Variants in KIRREL3 observed in about 807,000 individuals in gnomAD.
The protein encoded by KIRREL3 is kirre like nephrin family adhesion molecule 3, also known as kin of IRRE-like protein 3.
Under a neutral mutation model 89.7 loss-of-function variants are expected in KIRREL3, and 36 were observed. The observed-to-expected ratio is 0.40, with a 90% confidence interval of 0.31 to 0.53. KIRREL3 has a LOEUF of 0.53. KIRREL3 is among the 20% of genes least tolerant of loss of function. KIRREL3 has a pLI of 0.49. For synonymous variants in KIRREL3, 445 were observed against 441.4 expected (o/e 1.01, Z -0.10); for missense variants, 864 against 1,056.6 (o/e 0.82, Z 2.53).
intron 1 of KIRREL3, among the ~76,000 whole-genome samples, chr11:126,730,954 T>C (rs1383140721): frequency 1.3e-5 from 2 of 152,098 alleles, no homozygotes; most frequent in Admixed American, 1.3e-4. Context: ...TTAGGCAGGA[T>C]GGTCTCCATC....
At chr11:126,481,041 T>G (rs1272418408) in intron 4 of KIRREL3, among the ~76,000 whole-genome samples, 4 of 152,232 alleles carry the variant, frequency 2.6e-5, no homozygotes, top group Non-Finnish European at 5.9e-5. Flanking sequence ...GAGCACCTAC[T>G]ATACGCCAGG....
At chr11:126,529,681 T>A (rs1958884288) in intron 2 of KIRREL3, among the ~76,000 whole-genome samples, 1 of 151,176 alleles carries the variant, frequency 6.6e-6, no homozygotes, top group South Asian at 2.1e-4. Flanking sequence ...ATGGAAAGAC[T>A]GTTTCTGGGG....
intron 1 of KIRREL3, among the ~76,000 whole-genome samples, chr11:126,650,122 C>T (rs1944853192): frequency 6.6e-6 from 1 of 152,224 alleles, no homozygotes; most frequent in African/African-American, 2.4e-5. Flanking sequence ...ATGCAGGGCA[C>T]CAAGTCCCTA....
rs548519471 is a variant in KIRREL3, at chr11:126,590,877, A to G, written c.56-27965T>C. The stretch of plus-strand genomic sequence containing the variant: ...TTCTCCCCACCCCTTCTCTCCTCAA[A>G]ATTTGTCCTGTATGTCTCATTTCAC... On this transcript the variant is annotated intron_variant, in intron 1 of 16. Transcript: ENST00000525144. Among the ~76,000 whole-genome samples, 18 of 152,010 alleles carry G rather than the reference A, an allele frequency of 1.2e-4. No homozygotes were observed. In the South Asian group the frequency reaches 1.7e-3, roughly 14 times the overall value.
chr11:126,796,707 G>A lies in KIRREL3; in HGVS notation c.55+203748C>T, dbSNP rs888597830. On this transcript the variant is annotated intron_variant, in intron 1 of 16. Transcript: ENST00000525144. This position sits in a 1 kb window ranked among gnomAD's most constrained non-coding sequence, Gnocchi z 5.1. ...TATTTTATTTTTGCAACAAGGTCTT[G>A]CTCTGTTGCCCAGGCTGGAGTGCAG... is the stretch of plus-strand genomic sequence containing the variant. Among the ~76,000 whole-genome samples the A allele has an allele frequency of 2.6e-5, 4 of 151,732 alleles. No homozygotes were observed. Among genetic ancestry groups the A allele is most frequent in the Non-Finnish European group, 5.9e-5 (4 of 67,954 alleles).
At chr11:126,941,462 G>A (rs773221949) in intron 1 of KIRREL3, among the ~76,000 whole-genome samples, 12 of 152,188 alleles carry the variant, frequency 7.9e-5, no homozygotes, top group Non-Finnish European at 1.0e-4. Flanking sequence ...AATTCCAGAA[G>A]TGGAGCTCAG....
chr11:126,944,285 A>G (rs1948552204), intron 1 of KIRREL3: 1 of 152,182 alleles, frequency 6.6e-6, no homozygotes, highest in African/African-American at 2.4e-5. Flanking sequence ...TAAGACTTAT[A>G]TTCCATACGT....
At position 126,601,953 on chromosome 11, in the gene KIRREL3, C is replaced by T. The variant is rs377480708; in HGVS notation, c.56-39041G>A. On this transcript the variant is annotated intron_variant, in intron 1 of 16. Coordinates refer to ENST00000525144, the MANE Select transcript of KIRREL3 (RefSeq NM_032531.4). This position sits in a 1 kb window ranked among gnomAD's most constrained non-coding sequence, Gnocchi z 5.8. ...GAGATGAAACAAGGTCACCTGAGGCCGCCTCTTTGATTTGCCTGACAGAGT... is the reference window on the plus strand; with the variant it reads ...GAGATGAAACAAGGTCACCTGAGGCTGCCTCTTTGATTTGCCTGACAGAGT... Among the ~76,000 whole-genome samples the T allele has an allele frequency of 7.2e-5, 11 of 152,278 alleles. No individual in the cohort carries two copies. Among genetic ancestry groups the T allele is most frequent in the African/African-American group, 2.4e-4 (10 of 41,540 alleles).
chr11:126,681,464 AG>A (rs1946448953), intron 1 of KIRREL3, among the ~76,000 whole-genome samples: 1 of 152,190 alleles, frequency 6.6e-6, no homozygotes, highest in Admixed American at 6.5e-5. Flanking sequence ...CTTATTTCCA[AG>A]GTTGCTCATG....
At chr11:126,936,290 G>A (rs193118663) in intron 1 of KIRREL3, 1 of 152,218 alleles carries the variant, frequency 6.6e-6, no homozygotes. Flanking sequence ...ATACATTGCT[G>A]GTAGAAATGT....
chr11:126,908,107 T>A lies in KIRREL3; in HGVS notation c.55+92348A>T, dbSNP rs947123436. Among the ~76,000 whole-genome samples, 18 of 152,240 alleles carry A rather than the reference T, an allele frequency of 1.2e-4. No homozygotes were observed. The highest frequency in any genetic ancestry group is 3.9e-4 in the African/African-American group (16 of 41,462). On this transcript the variant is annotated intron_variant, in intron 1 of 16. Transcript: ENST00000525144. The surrounding 1 kb of genome is among the most constrained non-coding windows in gnomAD (Gnocchi z 4.2). ...CATATAAATCTGTTATGTATGTTGT[T>A]TATGATCCTGCCCCCTCCCGTCAGA... is the stretch of plus-strand genomic sequence containing the variant.
At chr11:126,458,665 T>C (rs1956451161) in intron 6 of KIRREL3, among the ~76,000 whole-genome samples, 1 of 152,166 alleles carries the variant, frequency 6.6e-6, no homozygotes, top group African/African-American at 2.4e-5. Context: ...TTCTCCCACA[T>C]TTTCCCTAGT....
chr11:126,886,358 T>C (rs573619176), intron 1 of KIRREL3, among the ~76,000 whole-genome samples: 1 of 152,338 alleles, frequency 6.6e-6, no homozygotes, highest in African/African-American at 2.4e-5. Context: ...TTTCATTGAC[T>C]GGCTTCATTT....
At chr11:126,881,984 T>C (rs4365064) in intron 1 of KIRREL3, among the ~76,000 whole-genome samples, 93,122 of 151,458 alleles carry the variant, frequency 0.61, 30,109 homozygotes, top group African/African-American at 0.82. Context: ...GGGGTGCATG[T>C]ATGTAGGGGT....
intron 1 of KIRREL3, among the ~76,000 whole-genome samples, chr11:126,839,524 G>C (rs1943892012): frequency 6.6e-6 from 1 of 152,166 alleles, no homozygotes; most frequent in Admixed American, 6.5e-5. Flanking sequence ...TCAGGGAGGA[G>C]AGGAGGAAAT....
intron 1 of KIRREL3, among the ~76,000 whole-genome samples, chr11:126,691,822 A>C (rs1946887605): frequency 6.6e-6 from 1 of 152,236 alleles, no homozygotes; most frequent in Non-Finnish European, 1.5e-5. Flanking sequence ...AGCAATAAAA[A>C]ATCAAATAAC....
At chr11:126,472,756 C>CTTTTATCT (rs1956934550) in intron 5 of KIRREL3, among the ~76,000 whole-genome samples, 1 of 132,522 alleles carries the variant, frequency 7.5e-6, no homozygotes, top group Non-Finnish European at 1.6e-5. Flanking sequence ...AAAGGATGGA[C>CTTTTATCT]ACACATACAA....
chr11:126,840,633 T>C (rs1943932954), intron 1 of KIRREL3, among the ~76,000 whole-genome samples: 1 of 152,190 alleles, frequency 6.6e-6, no homozygotes, highest in South Asian at 2.1e-4. Context: ...AAGTTTTAAA[T>C]CGCATGCCAT....
Position 126,515,756 on chromosome 11 carries a change from G to C in KIRREL3, c.433+5559C>G, listed in dbSNP as rs1252181334. Among the ~76,000 whole-genome samples the C allele has an allele frequency of 6.6e-6, 1 of 152,180 alleles. No individual in the cohort carries two copies. The highest frequency in any genetic ancestry group is 2.4e-5 in the African/African-American group (1 of 41,450). On this transcript the variant is annotated intron_variant, in intron 4 of 16. Transcript: ENST00000525144. This position sits in a 1 kb window ranked among gnomAD's most constrained non-coding sequence, Gnocchi z 4.2. Reference sequence around the variant, plus strand: ...CGGGGGGCCTTGTGTGGCCTGGCAGGGAGCTTGGGTTTTGTTCTGTGGGGA... The same window carrying C: ...CGGGGGGCCTTGTGTGGCCTGGCAGCGAGCTTGGGTTTTGTTCTGTGGGGA...
Sources: gnomAD v4.1 joint callset for allele counts (sites outside exome capture counted in the v4.1 genomes callset) on GRCh38, gnomAD v4.1.1 for gene constraint, Gnocchi (gnomAD v3.1) non-coding constraint, MANE v1.5 for transcripts, NCBI Gene and HGNC (gene_info 2026-07-23, HGNC 2026-07-21) for gene names.